MERTK: variants seen among roughly 807,000 people sequenced by gnomAD.
The protein encoded by MERTK is tyrosine-protein kinase Mer.
MERTK carries 69 observed loss-of-function variants against 99.3 expected under a neutral mutation model. That is an observed-to-expected ratio of 0.70 (90% confidence interval 0.57 to 0.85). MERTK has a LOEUF of 0.85. Ranked by LOEUF, MERTK falls within the 40% of genes least tolerant of loss-of-function variation. MERTK has a pLI of 0.00. For synonymous variants in MERTK, 426 were observed against 467.6 expected (o/e 0.91, Z 1.15); for missense variants, 1,125 against 1,249.4 (o/e 0.90, Z 1.50).
Position 111,994,606 on chromosome 2 carries a change from C to CA in MERTK, c.1450+208dup, listed in dbSNP as rs1466997750. The CA allele has an allele frequency of 2.3e-5, 16 of 704,190 alleles. No individual in the cohort carries two copies. The East Asian group carries it at 4.5e-4, about 20-fold the overall frequency. 43.6% of individuals were successfully genotyped at this position (704,190 alleles called of 1,614,324 possible). A position where few individuals can be genotyped will look rare whatever the true frequency, so the allele number is the denominator to read the frequency against. On this transcript the variant is annotated intron_variant, in intron 9 of 18. Transcript: ENST00000295408. ...GCAACATAGTGAGACCCTGTCTCTA[C>CA]AAAAAATATATGTATTTTTAAAATT... is the stretch of plus-strand genomic sequence containing the variant.
chr2:111,972,061 G>A (rs369714729), intron 6 of MERTK, among the ~76,000 whole-genome samples: 5 of 151,974 alleles, frequency 3.3e-5, no homozygotes, highest in Admixed American at 1.3e-4. Flanking sequence ...ACAGAGTTTC[G>A]CGCTTATTGC....
chr2:111,955,659 A>G (rs890589379), intron 4 of MERTK, among the ~76,000 whole-genome samples: 13 of 152,166 alleles, frequency 8.5e-5, no homozygotes, highest in African/African-American at 4.8e-5. Flanking sequence ...TCATTATACC[A>G]TGGTTATGTA....
intron 2 of MERTK, among the ~76,000 whole-genome samples, chr2:111,941,739 G>A (rs561638117): frequency 5.3e-5 from 8 of 152,180 alleles, no homozygotes; most frequent in Non-Finnish European, 1.0e-4. Context: ...TGTAATATAG[G>A]TGGCATGGGT....
intron 5 of MERTK, among the ~76,000 whole-genome samples, chr2:111,965,920 A>ATTCTATT (rs1475848259): frequency 6.6e-6 from 1 of 152,212 alleles, no homozygotes; most frequent in African/African-American, 2.4e-5. Context: ...AATAGAATTA[A>ATTCTATT]AGGCACACAT....
intron 1 of MERTK, among the ~76,000 whole-genome samples, chr2:111,905,797 T>A (rs997986047): frequency 5.9e-5 from 9 of 152,168 alleles, no homozygotes; most frequent in Non-Finnish European, 1.3e-4. Flanking sequence ...CTAAAGCATT[T>A]TATTTCATCC....
chr2:112,029,092 TA>T lies in MERTK; in HGVS notation c.*232del. ...ATGGAAAAAGACAAGGATATTTTAA[TA>T]AAACATTACTTATTTCATTTCACTT... On this transcript the variant is annotated 3_prime_UTR_variant, in exon 19 of 19. Transcript: ENST00000295408. The T allele has an allele frequency of 8.0e-7, 1 of 1,243,026 alleles. No homozygotes were observed. Among genetic ancestry groups the T allele is most frequent in the South Asian group, 2.4e-5 (1 of 40,948 alleles). The allele number at this position is 1,243,026 out of a possible 1,614,324, so 77.0% of individuals were successfully genotyped here.
At chr2:111,973,385 TCTCCTCTGGTGG>T (rs1446273334) in intron 6 of MERTK, among the ~76,000 whole-genome samples, 1 of 151,832 alleles carries the variant, frequency 6.6e-6, no homozygotes, top group Non-Finnish European at 1.5e-5. Flanking sequence ...GGTTCTCGTT[TCTCCTCTGGTGG>T]CTCCTCAGGC....
intron 4 of MERTK, among the ~76,000 whole-genome samples, chr2:111,963,050 A>T (rs1465630885): frequency 2.0e-5 from 3 of 151,998 alleles, no homozygotes; most frequent in African/African-American, 4.8e-5. Flanking sequence ...GGAGAGGGGG[A>T]TGTGGCAGGG....
chr2:111,984,127 G>C (rs1676425216), intron 8 of MERTK, among the ~76,000 whole-genome samples: 1 of 152,100 alleles, frequency 6.6e-6, no homozygotes, highest in Non-Finnish European at 1.5e-5. Flanking sequence ...CAGTGGTGTA[G>C]ATCTCAGTCC....
At chr2:111,958,260 G>A (rs1414004931) in intron 4 of MERTK, among the ~76,000 whole-genome samples, 2 of 152,122 alleles carry the variant, frequency 1.3e-5, no homozygotes. Context: ...GTTTGGGGCT[G>A]TAAATGTCAA....
intron 14 of MERTK, 165 bp downstream of exon 14, chr2:112,008,640 C>CT: frequency 1.4e-6 from 1 of 729,848 alleles, no homozygotes. Context: ...ATGATGTTTT[C>CT]TGAGGCTAAT....
At chr2:111,955,062 A>G (rs1356356553) in intron 4 of MERTK, among the ~76,000 whole-genome samples, 2 of 126,530 alleles carry the variant, frequency 1.6e-5, no homozygotes, top group Non-Finnish European at 1.7e-5. Context: ...TAAATAAAGC[A>G]GTGAGTGTTC....
chr2:112,022,194 G>GAA (rs1452880105), intron 17 of MERTK, 64 bp from the exon 18 acceptor site: 1 of 1,610,186 alleles, frequency 6.2e-7, no homozygotes, highest in East Asian at 2.2e-5. Context: ...CTTTCCCAGT[G>GAA]AAAAAGTCCA....
intron 8 of MERTK, among the ~76,000 whole-genome samples, chr2:111,988,809 C>T: frequency 6.6e-6 from 1 of 152,242 alleles, no homozygotes; most frequent in African/African-American, 2.4e-5. Flanking sequence ...ATTAGCCCAG[C>T]CTGGTGGCGG....
Position 112,010,127 on chromosome 2 carries a change from C to T in MERTK, c.2079+61C>T, listed in dbSNP as rs1573638509. 5 of 1,203,630 alleles carry T rather than the reference C, an allele frequency of 4.2e-6. No homozygotes were observed. In the East Asian group the frequency reaches 1.2e-4, roughly 28 times the overall value. 74.6% of individuals were successfully genotyped at this position (1,203,630 alleles called of 1,614,324 possible). ...CAGGGCTTATGTGACTTAGCCAGGA[C>T]AACCAAATCATCTAATCTTGAAAGT... On this transcript the variant is annotated intron_variant, in intron 15 of 18. Transcript: ENST00000295408.
chr2:111,994,354 G>C lies in MERTK; in HGVS notation c.1400G>C (p.Gly467Ala), dbSNP rs368219980. The change falls in exon 9 of 19, where the codon GGG (glycine) becomes GCG (alanine). Residue 467 changes from glycine to alanine, a missense_variant. Transcript: ENST00000295408. ...CTVRIAAVTR[G>A]GVGPFSDPVK... Reference sequence around the variant, plus strand: ...GTGAGGATTGCAGCCGTCACCAGAGGGGGAGTTGGGCCCTTCAGTGATCCA... The same window carrying C: ...GTGAGGATTGCAGCCGTCACCAGAGCGGGAGTTGGGCCCTTCAGTGATCCA... 2.5e-6 allele frequency: 4 copies of C among 1,614,058 alleles called. No homozygotes were observed. The highest frequency in any genetic ancestry group is 2.2e-5 in the East Asian group (1 of 44,888).
intron 4 of MERTK, among the ~76,000 whole-genome samples, chr2:111,959,619 G>C (rs1685207963): frequency 6.6e-6 from 1 of 152,090 alleles, no homozygotes; most frequent in Non-Finnish European, 1.5e-5. Context: ...GAATACAGGT[G>C]CATGTCACCA....
chr2:111,983,537 A>G (rs1048205324), intron 8 of MERTK, among the ~76,000 whole-genome samples: 3 of 152,222 alleles, frequency 2.0e-5, no homozygotes, highest in African/African-American at 7.2e-5. Flanking sequence ...CCGAAATTAG[A>G]CATCAGAATT....
chr2:112,014,519 T>C (rs1677177168), intron 15 of MERTK, among the ~76,000 whole-genome samples: 1 of 146,260 alleles, frequency 6.8e-6, no homozygotes, highest in Non-Finnish European at 1.5e-5. Context: ...TTTCATGTTA[T>C]TGTACAAGAG....
Sources: allele counts gnomAD v4.1 joint callset (sites outside exome capture counted in the v4.1 genomes callset), GRCh38; gene constraint gnomAD v4.1.1; transcripts MANE v1.5; gene names NCBI Gene and HGNC (gene_info 2026-07-23, HGNC 2026-07-21).